TMEM51: variants seen among roughly 807,000 people sequenced by gnomAD.
TMEM51 encodes chromosome 1 open reading frame 72.
TMEM51 carries 8 observed loss-of-function variants against 13.6 expected under a neutral mutation model. That is an observed-to-expected ratio of 0.59 (90% CI 0.35 to 1.07). The LOEUF (loss-of-function observed/expected upper bound fraction) is 1.07, where lower values mean the gene tolerates loss of function less well. Among genes scored for constraint, TMEM51 ranks in the 50% least tolerant of loss-of-function variants. TMEM51 has a pLI of 0.02. For missense variants in TMEM51, 279 were observed against 330.7 expected (o/e 0.84, Z 1.21); for synonymous variants, 147 against 144.4 (o/e 1.02, Z -0.13).
chr1:15,196,393 CAT>C (rs1644049414), intron 1 of TMEM51, among the ~76,000 whole-genome samples: 2 of 36,720 alleles, frequency 5.4e-5, no homozygotes, highest in Non-Finnish European at 1.0e-4. Flanking sequence ...TGTGTGTGTG[CAT>C]GTGTGTGTGT....
intron 1 of TMEM51, among the ~76,000 whole-genome samples, chr1:15,163,747 G>C (rs1286202475): frequency 6.9e-6 from 1 of 145,628 alleles, no homozygotes; most frequent in Non-Finnish European, 1.5e-5. Flanking sequence ...AATAATTTTA[G>C]ATTTATAGAA....
rs1643968481 is a variant in TMEM51, at chr1:15,193,158, C to T, written c.-266-17332C>T. ...GGAGGAATCTGAGAAGCCCACAGAA[C>T]AGCCTGCGCTGTCATCTGGGGGTTT... On this transcript the variant is annotated intron_variant, in intron 1 of 3. Coordinates refer to ENST00000376008, the MANE Select transcript of TMEM51 (RefSeq NM_001136218.2). Among the ~76,000 whole-genome samples, 3 of 152,360 alleles carry T rather than the reference C, an allele frequency of 2.0e-5. No homozygotes were observed. The South Asian group carries it at 6.2e-4, about 32-fold the overall frequency.
chr1:15,168,627 C>T (rs1275677380), intron 1 of TMEM51: 1 of 1,304,436 alleles, frequency 7.7e-7, no homozygotes, highest in Non-Finnish European at 1.0e-6. Flanking sequence ...GTTCTTCAAC[C>T]TTGCCTGTGT....
Position 15,200,762 on chromosome 1 carries a change from A to G in TMEM51, c.-266-9728A>G, listed in dbSNP as rs144630797. Among the ~76,000 whole-genome samples, 32 of 152,264 alleles carry G rather than the reference A, an allele frequency of 2.1e-4. No homozygotes were observed. In the East Asian group the frequency reaches 5.8e-3, roughly 28 times the overall value. On this transcript the variant is annotated intron_variant, in intron 1 of 3. Transcript: ENST00000376008. ...AAACATCTCAGCGTCAATTATTTAC[A>G]ACACATCCAGATGAGTATCAGAGCT...
intron 1 of TMEM51, among the ~76,000 whole-genome samples, chr1:15,187,850 G>A (rs1643830841): frequency 6.6e-6 from 1 of 152,082 alleles, no homozygotes; most frequent in South Asian, 2.1e-4. Flanking sequence ...GCCAAGGAAA[G>A]AGCTCTGATA....
chr1:15,167,869 G>C (rs1432557187), intron 1 of TMEM51, among the ~76,000 whole-genome samples: 2 of 152,150 alleles, frequency 1.3e-5, no homozygotes, highest in African/African-American at 4.8e-5. Flanking sequence ...ATGACAATGA[G>C]TAGTGATCGT....
At chr1:15,164,511 A>G (rs1348069579) in intron 1 of TMEM51, 1 of 455,458 alleles carries the variant, frequency 2.2e-6, no homozygotes, top group East Asian at 7.0e-5. Context: ...GATGGAGATA[A>G]TATCAATGTA....
intron 1 of TMEM51, chr1:15,168,390 T>C (rs1643104672): frequency 1.7e-6 from 2 of 1,198,074 alleles, no homozygotes; most frequent in Non-Finnish European, 2.1e-6. Context: ...AAGGAAGGAC[T>C]GTAGAGGCAA....
chr1:15,198,210 T>C (rs1398329073), intron 1 of TMEM51, among the ~76,000 whole-genome samples: 2 of 152,090 alleles, frequency 1.3e-5, no homozygotes, highest in African/African-American at 2.4e-5. Flanking sequence ...TCATTTAACA[T>C]GTTTCCCTTC....
intron 1 of TMEM51, chr1:15,168,427 T>C: frequency 2.4e-6 from 3 of 1,251,426 alleles, no homozygotes; most frequent in Non-Finnish European, 3.1e-6. Context: ...GGTAGATAAA[T>C]GTATAATGAG....
At chr1:15,205,195 T>C (rs1644227393) in intron 1 of TMEM51, among the ~76,000 whole-genome samples, 1 of 152,228 alleles carries the variant, frequency 6.6e-6, no homozygotes, top group South Asian at 2.1e-4. Context: ...CTTCTGCTTC[T>C]GGTCCCTTGA....
chr1:15,196,995 C>G (rs1463924229), intron 1 of TMEM51, among the ~76,000 whole-genome samples: 1 of 152,170 alleles, frequency 6.6e-6, no homozygotes, highest in Non-Finnish European at 1.5e-5. Flanking sequence ...CAGCGGGATC[C>G]AGGTTTGCAA....
At chr1:15,192,391 G>C (rs1643941258) in intron 1 of TMEM51, 2 of 410,074 alleles carry the variant, frequency 4.9e-6, no homozygotes, top group South Asian at 4.2e-5. Flanking sequence ...CTCCTTCTTG[G>C]AATCCTTGCT....
At chr1:15,212,439 G>C (rs1038787030) in intron 2 of TMEM51, among the ~76,000 whole-genome samples, 3 of 152,178 alleles carry the variant, frequency 2.0e-5, no homozygotes, top group Non-Finnish European at 4.4e-5. Flanking sequence ...CAGTGAGGGG[G>C]TTAAAGCGGC....
chr1:15,219,469 CACTG>C lies in TMEM51; in HGVS notation c.491_494del (p.Leu164ArgfsTer34). On this transcript the variant is annotated frameshift_variant, in exon 4 of 4. Transcript: ENST00000376008. LOFTEE classifies it high-confidence loss of function. ...AGCATCTCTCTCCCGTCCTATGAGTCACTGACGGGGCTCGACGAGACCACCCCCA... is the reference window on the plus strand; with the variant it reads ...AGCATCTCTCTCCCGTCCTATGAGTCACGGGGCTCGACGAGACCACCCCCA... 1 of 1,614,144 alleles carries C rather than the reference CACTG, an allele frequency of 6.2e-7. No individual in the cohort carries two copies. Among genetic ancestry groups the C allele is most frequent in the Non-Finnish European group, 8.5e-7 (1 of 1,180,032 alleles).
chr1:15,172,595 A>G (rs554475813), intron 1 of TMEM51, among the ~76,000 whole-genome samples: 49 of 152,304 alleles, frequency 3.2e-4, no homozygotes, highest in African/African-American at 1.2e-3. Context: ...ACCACGTGCC[A>G]GCTTTGTGAT....
chr1:15,171,112 G>GGCC, intron 1 of TMEM51: 1 of 404,842 alleles, frequency 2.5e-6, no homozygotes, highest in Non-Finnish European at 3.8e-6. Context: ...TCCACCCCCC[G>GGCC]CCACATCCCC....
At chr1:15,167,965 G>A (rs1289703874) in intron 1 of TMEM51, among the ~76,000 whole-genome samples, 1 of 152,174 alleles carries the variant, frequency 6.6e-6, no homozygotes, top group Non-Finnish European at 1.5e-5. Context: ...ATCAAATGGT[G>A]TAAAAGGATG....
chr1:15,170,698 G>T (rs758594142), intron 1 of TMEM51, among the ~76,000 whole-genome samples: 4 of 152,040 alleles, frequency 2.6e-5, no homozygotes, highest in Non-Finnish European at 4.4e-5. Context: ...CTTTTTTCCA[G>T]AACTACTACA....
Sources: gnomAD v4.1 joint callset for allele counts (sites outside exome capture counted in the v4.1 genomes callset) on GRCh38, gnomAD v4.1.1 for gene constraint, MANE v1.5 for transcripts, NCBI Gene and HGNC (gene_info 2026-07-23, HGNC 2026-07-21) for gene names.